GMDS: variants seen among roughly 807,000 people sequenced by gnomAD.
GMDS encodes GDP-mannose 4,6 dehydratase.
GMDS carries 20 observed loss-of-function variants against 49.9 expected under a neutral mutation model. The ratio of observed to expected loss-of-function variants is 0.40; its 90% CI spans 0.28 to 0.58. GMDS has a LOEUF of 0.58. Among genes scored for constraint, GMDS ranks in the 20% least tolerant of loss-of-function variants. GMDS has a pLI of 0.42. For synonymous variants in GMDS, 177 were observed against 178.6 expected (o/e 0.99, Z 0.07); for missense variants, 362 against 481.4 (o/e 0.75, Z 2.32).
At chr6:2,052,653 A>C (rs989419842) in intron 4 of GMDS, among the ~76,000 whole-genome samples, 1 of 152,252 alleles carries the variant, frequency 6.6e-6, no homozygotes, top group African/African-American at 2.4e-5. Flanking sequence ...CACATGGTCT[A>C]GACCAAGAGC....
Position 1,960,793 on chromosome 6 carries a change from G to GA in GMDS, c.518dup (p.Tyr174LeufsTer22). ...TCTCACCATAGGGTGACCGGGGATA[G>GA]AAAGGGGTGGTCTCCTTCTGGGGTA... On this transcript the variant is annotated frameshift_variant, in exon 5 of 11. Transcript: ENST00000380815. LOFTEE classifies it high-confidence loss of function. 1 of 1,600,854 alleles carries GA rather than the reference G, an allele frequency of 6.2e-7. No homozygotes were observed. Among genetic ancestry groups the GA allele is most frequent in the Non-Finnish European group, 8.5e-7 (1 of 1,169,740 alleles).
intron 7 of GMDS, among the ~76,000 whole-genome samples, chr6:1,875,460 C>T (rs181307524): frequency 5.7e-4 from 87 of 152,236 alleles, no homozygotes; most frequent in African/African-American, 1.9e-3. Context: ...GTAGCACACT[C>T]CCCCGCCGAC....
intron 7 of GMDS, among the ~76,000 whole-genome samples, chr6:1,817,730 G>A (rs1012795600): frequency 8.5e-5 from 13 of 152,094 alleles, no homozygotes. Context: ...AGCACCCCTT[G>A]GTTTGTGGGG....
rs755377915 is a variant in GMDS at position 2,181,174 on chromosome 6, C to CAA, written c.103-56445_103-56444dup. 4.5e-3 allele frequency among the ~76,000 whole-genome samples: 228 copies of CAA among 50,920 alleles called. 3 individuals are homozygous for CAA. Among genetic ancestry groups the CAA allele is most frequent in the African/African-American group, 0.011 (179 of 15,860 alleles). 33.4% of individuals were successfully genotyped at this position (50,920 alleles called of 152,430 possible). A position where few individuals can be genotyped will look rare whatever the true frequency, so the allele number is the denominator to read the frequency against. On this transcript the variant is annotated intron_variant, in intron 1 of 10. Coordinates refer to ENST00000380815, the MANE Select transcript of GMDS (RefSeq NM_001500.4). The stretch of plus-strand genomic sequence containing the variant: ...TGGGTGACAGAGCGAGACTCCATCT[C>CAA]AAAAAAAAAAAAAAAAAAAAAGACA...
chr6:1,811,586 T>G (rs140885879), intron 7 of GMDS, among the ~76,000 whole-genome samples: 246 of 134,942 alleles, frequency 1.8e-3, no homozygotes, highest in African/African-American at 6.2e-3. Flanking sequence ...ACTGAAGCCC[T>G]TCACAATGCT....
At chr6:1,856,274 T>C (rs1757934886) in intron 7 of GMDS, among the ~76,000 whole-genome samples, 1 of 152,204 alleles carries the variant, frequency 6.6e-6, no homozygotes, top group South Asian at 2.1e-4. Context: ...AAACTCTCTT[T>C]ATAATTCACA....
At chr6:2,082,177 C>T (rs376796848) in intron 4 of GMDS, among the ~76,000 whole-genome samples, 8 of 152,090 alleles carry the variant, frequency 5.3e-5, no homozygotes, top group East Asian at 3.9e-4. Context: ...CACACGTGTG[C>T]GCACACACAC....
intron 7 of GMDS, among the ~76,000 whole-genome samples, chr6:1,781,870 T>TC (rs372310627): frequency 2.0e-5 from 3 of 151,770 alleles, no homozygotes; most frequent in Admixed American, 6.6e-5. Context: ...TTTTTTTTTT[T>TC]GGCAAAAACT....
chr6:1,774,853 A>G (rs1395167957), intron 7 of GMDS, among the ~76,000 whole-genome samples: 1 of 152,180 alleles, frequency 6.6e-6, no homozygotes, highest in Non-Finnish European at 1.5e-5. Context: ...AGATTGAGGA[A>G]AGGGAACTGA....
At chr6:1,683,241 A>G (rs1764849141) in intron 9 of GMDS, among the ~76,000 whole-genome samples, 1 of 152,066 alleles carries the variant, frequency 6.6e-6, no homozygotes, top group Admixed American at 6.6e-5. Flanking sequence ...CTCCTGCCTC[A>G]GCCTCCCGAG....
At chr6:1,884,199 C>G (rs1011764986) in intron 7 of GMDS, among the ~76,000 whole-genome samples, 1 of 152,190 alleles carries the variant, frequency 6.6e-6, no homozygotes, top group Non-Finnish European at 1.5e-5. Flanking sequence ...AAAAGCAGAT[C>G]AATACAACCA....
intron 9 of GMDS, among the ~76,000 whole-genome samples, chr6:1,701,193 C>T (rs566300291): frequency 2.6e-5 from 4 of 152,220 alleles, no homozygotes; most frequent in African/African-American, 4.8e-5. Flanking sequence ...TCAATCTGTC[C>T]GAAGGGATAA....
At chr6:1,950,006 T>C (rs1763262010) in intron 6 of GMDS, among the ~76,000 whole-genome samples, 2 of 152,242 alleles carry the variant, frequency 1.3e-5, no homozygotes, top group African/African-American at 4.8e-5. Context: ...TGTTTGATAC[T>C]TCTACAGTGC....
At chr6:1,827,492 T>A (rs1040165124) in intron 7 of GMDS, among the ~76,000 whole-genome samples, 1 of 151,570 alleles carries the variant, frequency 6.6e-6, no homozygotes, top group African/African-American at 2.4e-5. Flanking sequence ...TTGGAAAACC[T>A]GTATATACAC....
At chr6:2,088,557 A>AG (rs752038655) in intron 4 of GMDS, among the ~76,000 whole-genome samples, 11 of 152,128 alleles carry the variant, frequency 7.2e-5, no homozygotes, top group Non-Finnish European at 1.6e-4. Flanking sequence ...TAGTTTCCTG[A>AG]TCTCTCTTTT....
chr6:1,903,900 A>G (rs1760626444), intron 7 of GMDS, among the ~76,000 whole-genome samples: 1 of 152,184 alleles, frequency 6.6e-6, no homozygotes, highest in Non-Finnish European at 1.5e-5. Context: ...CCTGAAGCAC[A>G]TCTGGGCTTT....
At chr6:2,063,006 G>A (rs994557266) in intron 4 of GMDS, among the ~76,000 whole-genome samples, 7 of 152,230 alleles carry the variant, frequency 4.6e-5, no homozygotes, top group African/African-American at 1.7e-4. Context: ...GTTAGAATTT[G>A]CTTTTGGTGA....
chr6:1,916,237 C>T (rs563328771), intron 7 of GMDS, among the ~76,000 whole-genome samples: 96 of 152,256 alleles, frequency 6.3e-4, no homozygotes, highest in African/African-American at 6.7e-4. Context: ...CAAGGTAGCA[C>T]GCCCACAGTG....
At chr6:2,206,991 T>A (rs1242779854) in intron 1 of GMDS, among the ~76,000 whole-genome samples, 1 of 152,136 alleles carries the variant, frequency 6.6e-6, no homozygotes, top group Non-Finnish European at 1.5e-5. Context: ...TTCACAGCCA[T>A]GCCATGAGGT....
Sources: allele counts gnomAD v4.1 joint callset (sites outside exome capture counted in the v4.1 genomes callset), GRCh38; gene constraint gnomAD v4.1.1; transcripts MANE v1.5; gene names NCBI Gene and HGNC (gene_info 2026-07-23, HGNC 2026-07-21).